ZC3H12B: variants seen among roughly 807,000 people sequenced by gnomAD.
ZC3H12B encodes the protein zinc finger CCCH-type containing 12B.
A neutral mutation model predicts 43.9 loss-of-function variants in ZC3H12B; 7 were observed. That is an observed-to-expected ratio of 0.16 (90% CI 0.09 to 0.30). The LOEUF is 0.30. Ranked by LOEUF, ZC3H12B falls within the 10% of genes least tolerant of loss-of-function variation. ZC3H12B has a pLI of 1.00. For missense variants in ZC3H12B, 475 were observed against 670.2 expected (o/e 0.71, Z 3.22); for synonymous variants, 222 against 241.7 (o/e 0.92, Z 0.76).
chrX:65,422,692 C>T (rs1217135273), intron 3 of ZC3H12B, among the ~76,000 whole-genome samples: 3 of 110,319 alleles, frequency 2.7e-5, no homozygotes, highest in Non-Finnish European at 3.8e-5. Flanking sequence ...CTTTGCCCCT[C>T]ACTCCTGACA....
At chrX:65,380,864 T>TA (rs1281635845) in intron 2 of ZC3H12B, among the ~76,000 whole-genome samples, 2 of 111,814 alleles carry the variant, frequency 1.8e-5, no homozygotes, top group African/African-American at 6.5e-5. Flanking sequence ...AGAAGGCCAT[T>TA]ACTTAATGGT....
At chrX:65,162,725 G>A in the ZC3H12B span, among the ~76,000 whole-genome samples, 8 of 111,110 alleles carry the variant, frequency 7.2e-5, no homozygotes, top group Non-Finnish European at 1.1e-4. Flanking sequence ...TCCTCCTGTA[G>A]CTCAGAGTAG....
At chrX:65,213,098 G>T in the ZC3H12B span, among the ~76,000 whole-genome samples, 1 of 107,447 alleles carries the variant, frequency 9.3e-6, no homozygotes, top group Non-Finnish European at 1.9e-5. Flanking sequence ...GTATTCTTAT[G>T]TGTGAATCCT....
At chrX:65,140,764 T>A in the ZC3H12B span, among the ~76,000 whole-genome samples, 2 of 111,977 alleles carry the variant, frequency 1.8e-5, no homozygotes, top group Admixed American at 9.5e-5. Context: ...ATTGATCTGT[T>A]CAGATTTTAT....
the ZC3H12B span, among the ~76,000 whole-genome samples, chrX:65,055,112 C>G: frequency 9.0e-6 from 1 of 111,208 alleles, no homozygotes; most frequent in African/African-American, 3.3e-5. Context: ...GCCAGAACTT[C>G]CAACACTATG....
chrX:65,174,548 G>A, the ZC3H12B span, among the ~76,000 whole-genome samples: 206 of 111,706 alleles, frequency 1.8e-3, no homozygotes, highest in African/African-American at 6.3e-3. Context: ...GTCAGGGGCT[G>A]CTGCCTTTCT....
At chrX:65,161,094 G>T in the ZC3H12B span, among the ~76,000 whole-genome samples, 1 of 111,194 alleles carries the variant, frequency 9.0e-6, no homozygotes, top group Non-Finnish European at 1.9e-5. Flanking sequence ...TTAATCCTGA[G>T]TTCTAGTTTG....
chrX:65,181,314 T>A, the ZC3H12B span, among the ~76,000 whole-genome samples: 17 of 111,655 alleles, frequency 1.5e-4, no homozygotes, highest in African/African-American at 5.5e-4. Flanking sequence ...GAAGAAAACC[T>A]AGGCAATACC....
chrX:65,211,774 T>C, the ZC3H12B span, among the ~76,000 whole-genome samples: 1 of 81,995 alleles, frequency 1.2e-5, no homozygotes, highest in Non-Finnish European at 2.1e-5. Context: ...ATGTATGTTA[T>C]ATAATATATT....
the ZC3H12B span, among the ~76,000 whole-genome samples, chrX:65,181,681 G>T: frequency 8.9e-6 from 1 of 112,168 alleles, no homozygotes; most frequent in African/African-American, 3.2e-5. Flanking sequence ...TTAGAGAAAT[G>T]CAAATCAAAA....
At chrX:65,415,743 A>G (rs968000333) in intron 3 of ZC3H12B, among the ~76,000 whole-genome samples, 9 of 112,199 alleles carry the variant, frequency 8.0e-5, no homozygotes, top group Non-Finnish European at 1.5e-4. Flanking sequence ...TTACAAATTT[A>G]ATTAACTTCT....
chrX:65,356,271 G>A, the ZC3H12B span, among the ~76,000 whole-genome samples: 1 of 111,840 alleles, frequency 8.9e-6, no homozygotes, highest in South Asian at 3.7e-4. Flanking sequence ...AATGTTTAAA[G>A]AGCTTTTCCT....
At chrX:65,387,647 G>A (rs1453033058) in intron 2 of ZC3H12B, among the ~76,000 whole-genome samples, 3 of 111,726 alleles carry the variant, frequency 2.7e-5, no homozygotes, top group Non-Finnish European at 3.8e-5. Context: ...TACATTTATG[G>A]TTAATATTGT....
chrX:65,310,061 C>G, the ZC3H12B span, among the ~76,000 whole-genome samples: 9 of 111,933 alleles, frequency 8.0e-5, 1 homozygote, highest in Middle Eastern at 0.014. Context: ...TGGGCAAAAC[C>G]TGGAAGCATT....
At chrX:65,282,843 C>T in the ZC3H12B span, among the ~76,000 whole-genome samples, 14 of 111,665 alleles carry the variant, frequency 1.3e-4, no homozygotes, top group African/African-American at 4.2e-4. Context: ...AGCCTGCCAA[C>T]AAAAACAAGT....
intron 1 of ZC3H12B, among the ~76,000 whole-genome samples, chrX:65,494,177 G>A (rs959772072): frequency 9.0e-6 from 1 of 110,943 alleles, no homozygotes; most frequent in South Asian, 3.8e-4. Flanking sequence ...TTGGATTTTG[G>A]AGTTTTTTTT....
At chrX:65,290,882 G>A in the ZC3H12B span, among the ~76,000 whole-genome samples, 1 of 110,818 alleles carries the variant, frequency 9.0e-6, no homozygotes, top group Non-Finnish European at 1.9e-5. Context: ...AGGATGAAGA[G>A]AAGTGTGTTA....
the ZC3H12B span, among the ~76,000 whole-genome samples, chrX:65,282,214 G>C: frequency 9.0e-6 from 1 of 110,968 alleles, no homozygotes; most frequent in African/African-American, 3.3e-5. Context: ...CTTTTAGAAG[G>C]TGAGGTGGGA....
At chrX:65,228,688 CAG>C in the ZC3H12B span, among the ~76,000 whole-genome samples, 5 of 112,239 alleles carry the variant, frequency 4.5e-5, no homozygotes, top group African/African-American at 1.6e-4. Context: ...AGCAAAGTAT[CAG>C]GATACAAAAT....
Sources: allele counts gnomAD v4.1 joint callset (sites outside exome capture counted in the v4.1 genomes callset), GRCh38; gene constraint gnomAD v4.1.1; transcripts MANE v1.5; gene names NCBI Gene and HGNC (gene_info 2026-07-23, HGNC 2026-07-21).